The following MACROD2 variants were observed in gnomAD, a reference collection of about 807,000 sequenced individuals.
MACROD2 encodes mono-ADP ribosylhydrolase 2, also known as ADP-ribose glycohydrolase MACROD2.
Under a neutral mutation model 70.4 loss-of-function variants are expected in MACROD2, and 36 were observed. The ratio of observed to expected loss-of-function variants is 0.51; its 90% CI spans 0.39 to 0.68. The LOEUF is 0.68. MACROD2 is among the 30% of genes least tolerant of loss of function. The pLI, the probability that MACROD2 is intolerant of heterozygous loss-of-function variation, is 0.00. For missense variants in MACROD2, 496 were observed against 538.4 expected (o/e 0.92, Z 0.78); for synonymous variants, 172 against 178.8 (o/e 0.96, Z 0.30).
intron 3 of MACROD2, among the ~76,000 whole-genome samples, chr20:14,101,379 A>G (rs567894743): frequency 2.6e-4 from 40 of 152,228 alleles, no homozygotes; most frequent in Non-Finnish European, 2.8e-4. Context: ...TAAGCCCCTG[A>G]GTTTACAACC....
chr20:15,700,543 C>G (rs574495847), intron 8 of MACROD2, among the ~76,000 whole-genome samples: 1 of 152,232 alleles, frequency 6.6e-6, no homozygotes, highest in Admixed American at 6.5e-5. Context: ...TCTGGCAAGC[C>G]CAAACACGTA....
At chr20:16,025,632 T>C (rs1282603616) in intron 15 of MACROD2, among the ~76,000 whole-genome samples, 1 of 146,370 alleles carries the variant, frequency 6.8e-6, no homozygotes, top group African/African-American at 2.7e-5. Context: ...TTGGGGGACA[T>C]CATCACAGAC....
intron 3 of MACROD2, among the ~76,000 whole-genome samples, chr20:14,099,842 A>G (rs2054275155): frequency 6.6e-6 from 1 of 152,154 alleles, no homozygotes; most frequent in Non-Finnish European, 1.5e-5. Context: ...TTTTAAAAAT[A>G]GTGCATAAAT....
At chr20:15,061,412 AG>A (rs1462289597) in intron 5 of MACROD2, among the ~76,000 whole-genome samples, 2 of 152,148 alleles carry the variant, frequency 1.3e-5, no homozygotes, top group African/African-American at 4.8e-5. Context: ...TGTGTGCCCT[AG>A]TCTGTCTCCC....
At chr20:15,851,793 G>A (rs2064301916) in intron 8 of MACROD2, among the ~76,000 whole-genome samples, 1 of 152,240 alleles carries the variant, frequency 6.6e-6, no homozygotes, top group African/African-American at 2.4e-5. Context: ...GAAGCAGCGT[G>A]GGTGAGGTGC....
intron 8 of MACROD2, among the ~76,000 whole-genome samples, chr20:15,699,707 T>G (rs6110747): frequency 0.17 from 26,200 of 152,194 alleles, 2,335 homozygotes; most frequent in South Asian, 0.29. Flanking sequence ...GCTTTAGTTC[T>G]TCCCTCCTCC....
chr20:15,135,392 A>G (rs1012107377), intron 5 of MACROD2, among the ~76,000 whole-genome samples: 7 of 151,792 alleles, frequency 4.6e-5, no homozygotes, highest in Non-Finnish European at 7.4e-5. Flanking sequence ...CATCCCTGGG[A>G]TGCAAGGCTG....
At chr20:15,728,701 C>A (rs1411041746) in intron 8 of MACROD2, among the ~76,000 whole-genome samples, 1 of 152,018 alleles carries the variant, frequency 6.6e-6, no homozygotes, top group Non-Finnish European at 1.5e-5. Context: ...TGTTTGTAGT[C>A]ATCTCTGAGA....
At chr20:15,049,810 T>A (rs1339512230) in intron 5 of MACROD2, among the ~76,000 whole-genome samples, 1 of 152,108 alleles carries the variant, frequency 6.6e-6, no homozygotes. Context: ...TAGCTGGGCA[T>A]GGTGGCAGGC....
chr20:14,824,103 G>A (rs562651114), intron 5 of MACROD2, among the ~76,000 whole-genome samples: 1 of 152,160 alleles, frequency 6.6e-6, no homozygotes, highest in African/African-American at 2.4e-5. Context: ...TATCTATATG[G>A]TAATCATATG....
intron 3 of MACROD2, among the ~76,000 whole-genome samples, chr20:14,408,699 A>G (rs2083717082): frequency 6.6e-6 from 1 of 152,310 alleles, no homozygotes; most frequent in African/African-American, 2.4e-5. Context: ...TTCATTAGCC[A>G]TAGAGATGGC....
At chr20:15,292,350 A>T (rs2077548108) in intron 6 of MACROD2, among the ~76,000 whole-genome samples, 1 of 152,240 alleles carries the variant, frequency 6.6e-6, no homozygotes, top group South Asian at 2.1e-4. Context: ...GAATAAATAA[A>T]GGTCCAGCAT....
At chr20:15,020,365 A>G (rs1166419004) in intron 5 of MACROD2, among the ~76,000 whole-genome samples, 2 of 152,194 alleles carry the variant, frequency 1.3e-5, no homozygotes, top group Non-Finnish European at 2.9e-5. Flanking sequence ...TGAAATTTCT[A>G]TAAGATCTAT....
intron 3 of MACROD2, among the ~76,000 whole-genome samples, chr20:14,406,807 TCA>T (rs1402912913): frequency 6.6e-6 from 1 of 152,178 alleles, no homozygotes; most frequent in East Asian, 1.9e-4. Flanking sequence ...CTTCAGCATA[TCA>T]CATATTAATC....
intron 8 of MACROD2, among the ~76,000 whole-genome samples, chr20:15,560,762 CAAAAAAAAAAAAA>C (rs71190190): frequency 2.7e-4 from 6 of 22,092 alleles, no homozygotes; most frequent in South Asian, 1.8e-3. Flanking sequence ...AACAAAGTCT[CAAAAAAAAAAAAA>C]AAAAAAAAAA....
At chr20:14,432,044 T>A (rs959767768) in intron 3 of MACROD2, among the ~76,000 whole-genome samples, 5 of 152,152 alleles carry the variant, frequency 3.3e-5, no homozygotes. Flanking sequence ...TTTTAAAAAA[T>A]TCAGATTATG....
chr20:14,397,167 G>A (rs1386644388), intron 3 of MACROD2, among the ~76,000 whole-genome samples: 2 of 151,408 alleles, frequency 1.3e-5, no homozygotes, highest in African/African-American at 4.9e-5. Context: ...GGTAATTTTT[G>A]TATTTTTACT....
In MACROD2 at chr20:14,954,311, A is replaced by G. The variant is rs1040958146; in HGVS notation, c.418+269352A>G. ...AATGGAATTTGATGATCCAAAATGT[A>G]TTTACCACATTTGTTGGATCTACTT... On this transcript the variant is annotated intron_variant, in intron 5 of 17. Transcript: ENST00000684519. Among the ~76,000 whole-genome samples, 69 of 151,716 alleles carry G rather than the reference A, an allele frequency of 4.5e-4. 1 individual carries two copies. The highest frequency in any genetic ancestry group is 4.7e-4 in the Non-Finnish European group (32 of 67,918).
chr20:15,159,934 G>A (rs2076336134), intron 5 of MACROD2, among the ~76,000 whole-genome samples: 1 of 152,072 alleles, frequency 6.6e-6, no homozygotes, highest in Admixed American at 6.6e-5. Flanking sequence ...TGAGGAAGGA[G>A]AGGTATTTCA....
Sources: allele counts gnomAD v4.1 joint callset (sites outside exome capture counted in the v4.1 genomes callset), GRCh38; gene constraint gnomAD v4.1.1; transcripts MANE v1.5; gene names NCBI Gene and HGNC (gene_info 2026-07-23, HGNC 2026-07-21).